MGAT4C: variants seen among roughly 807,000 people sequenced by gnomAD.
MGAT4C encodes the protein alpha-1,3-mannosyl-glycoprotein 4-beta-N-acetylglucosaminyltransferase C.
Under a neutral mutation model 40.1 loss-of-function variants are expected in MGAT4C, and 19 were observed. That is an observed-to-expected ratio of 0.47 (90% CI 0.33 to 0.70). The LOEUF (loss-of-function observed/expected upper bound fraction) is 0.70. Among genes scored for constraint, MGAT4C ranks in the 30% least tolerant of loss-of-function variants. The pLI, the probability that MGAT4C is intolerant of heterozygous loss-of-function variation, is 0.02. For missense variants in MGAT4C, 491 were observed against 563.2 expected (o/e 0.87, Z 1.30); for synonymous variants, 181 against 187.1 (o/e 0.97, Z 0.27).
chr12:86,113,872 C>G (rs563482169), intron 1 of MGAT4C, among the ~76,000 whole-genome samples: 1 of 151,926 alleles, frequency 6.6e-6, no homozygotes, highest in Admixed American at 6.6e-5. Flanking sequence ...TCCAGGAAAG[C>G]AAGAGAGACT....
chr12:86,130,411 T>A (rs1318473659), intron 1 of MGAT4C, among the ~76,000 whole-genome samples: 1 of 152,122 alleles, frequency 6.6e-6, no homozygotes, highest in East Asian at 1.9e-4. Flanking sequence ...ACATACGTTT[T>A]GGAATTCTGA....
At position 86,215,217 on chromosome 12, in the gene MGAT4C, T is replaced by C. The variant is rs912631581; in HGVS notation, c.-57+41022A>G. On this transcript the variant is annotated intron_variant, in intron 1 of 4. Coordinates refer to ENST00000611864, the MANE Select transcript of MGAT4C (RefSeq NM_001351288.2). ...AGCCACCTCATCATCTCTTTTTCCA[T>C]AGGTTGTACATTTTGTATATGTAAG... Among the ~76,000 whole-genome samples the C allele has an allele frequency of 2.6e-5, 4 of 152,160 alleles. No homozygotes were observed. In the East Asian group the frequency reaches 5.8e-4, roughly 22 times the overall value.
chr12:86,732,064 A>G (rs1950919376), intron 1 of MGAT4C, among the ~76,000 whole-genome samples: 1 of 152,170 alleles, frequency 6.6e-6, no homozygotes, highest in African/African-American at 2.4e-5. Flanking sequence ...CCACCACTGG[A>G]CATTTTCTCT....
Position 85,977,947 on chromosome 12 carries a change from A to G in MGAT4C, c.*1342T>C, listed in dbSNP as rs1386900839. 2 of 151,540 alleles carry G rather than the reference A, an allele frequency of 1.3e-5. No homozygotes were observed. The highest frequency in any genetic ancestry group is 3.0e-5 in the Non-Finnish European group (2 of 67,636). The allele number at this position is 151,540 out of a possible 1,614,324, so 9.4% of individuals were successfully genotyped here. ...GCTGTTCATTAAAAAACAAAAAGGA[A>G]GAGACAAGCTCAGGACATTCTGAAA... On this transcript the variant is annotated 3_prime_UTR_variant, in exon 5 of 5. Transcript: ENST00000611864.
rs1284338408 is a variant in MGAT4C, at chr12:86,434,409, T to C, written c.-120+748A>G. Reference sequence around the variant, plus strand: ...TTTGCTCATGTCAAATATTTATATATACTTACACATATGTACTTATATACA... The same window carrying C: ...TTTGCTCATGTCAAATATTTATATACACTTACACATATGTACTTATATACA... On this transcript the variant is annotated intron_variant, in intron 3 of 7. Transcript: ENST00000548651. Among the ~76,000 whole-genome samples the C allele has an allele frequency of 5.7e-4, 87 of 152,040 alleles. 1 individual carries two copies. The highest frequency in any genetic ancestry group is 1.0e-4 in the Non-Finnish European group (7 of 67,872).
At chr12:86,142,679 T>C (rs1593057570) in intron 1 of MGAT4C, among the ~76,000 whole-genome samples, 1 of 151,938 alleles carries the variant, frequency 6.6e-6, no homozygotes, top group South Asian at 2.1e-4. Context: ...ACTACATAGG[T>C]AGGGATGGAG....
intron 1 of MGAT4C, among the ~76,000 whole-genome samples, chr12:86,093,731 A>AAACAACAACAACAAC (rs35399411): frequency 1.0e-3 from 155 of 149,538 alleles, no homozygotes; most frequent in Non-Finnish European, 7.6e-4. Context: ...CTCCGTCTAA[A>AAACAACAACAACAAC]AACAACAACA....
chr12:86,142,266 G>T (rs1449312712), intron 1 of MGAT4C, among the ~76,000 whole-genome samples: 2 of 152,156 alleles, frequency 1.3e-5, no homozygotes, highest in South Asian at 2.1e-4. Context: ...CACACAGAGA[G>T]ATGAAAATCA....
At chr12:86,231,623 T>C (rs1056890783) in intron 1 of MGAT4C, among the ~76,000 whole-genome samples, 5 of 152,310 alleles carry the variant, frequency 3.3e-5, no homozygotes, top group South Asian at 2.1e-4. Flanking sequence ...TCTGAACATA[T>C]AAGTGATATA....
intron 2 of MGAT4C, among the ~76,000 whole-genome samples, chr12:86,579,276 T>C (rs1353704617): frequency 6.6e-6 from 1 of 151,626 alleles, no homozygotes; most frequent in Admixed American, 6.6e-5. Context: ...TTTTCTCTGG[T>C]GATATAATTC....
chr12:86,021,373 T>C (rs571333752), intron 2 of MGAT4C, among the ~76,000 whole-genome samples: 330 of 151,706 alleles, frequency 2.2e-3, no homozygotes, highest in Non-Finnish European at 3.7e-3. Context: ...ATTAAGAAAA[T>C]GTGGCACATA....
chr12:86,477,722 T>C (rs1452511036), intron 2 of MGAT4C, among the ~76,000 whole-genome samples: 1 of 152,052 alleles, frequency 6.6e-6, no homozygotes, highest in Non-Finnish European at 1.5e-5. Context: ...ATTAGGTATA[T>C]CTCCTAATGC....
chr12:86,768,109 T>G (rs897714237), intron 1 of MGAT4C, among the ~76,000 whole-genome samples: 1 of 152,134 alleles, frequency 6.6e-6, no homozygotes, highest in East Asian at 1.9e-4. Context: ...ATTGTATATC[T>G]AGAAAACCCC....
At chr12:86,715,473 T>C (rs775600159) in intron 2 of MGAT4C, among the ~76,000 whole-genome samples, 1 of 152,144 alleles carries the variant, frequency 6.6e-6, no homozygotes, top group Non-Finnish European at 1.5e-5. Flanking sequence ...ACTACCAAGC[T>C]GTATGTTTTT....
intron 2 of MGAT4C, among the ~76,000 whole-genome samples, chr12:86,524,705 A>G (rs995323447): frequency 4.6e-5 from 7 of 152,162 alleles, no homozygotes; most frequent in African/African-American, 1.2e-4. Context: ...AGGGACACCA[A>G]TGAGTCTTAC....
At chr12:86,419,210 A>G (rs7301129) in intron 3 of MGAT4C, among the ~76,000 whole-genome samples, 9,792 of 152,108 alleles carry the variant, frequency 0.064, 757 homozygotes, top group East Asian at 0.24. Context: ...ATTTAATAAA[A>G]TTTTAGGATT....
At chr12:86,015,521 AC>A (rs998223386) in intron 2 of MGAT4C, among the ~76,000 whole-genome samples, 2 of 152,136 alleles carry the variant, frequency 1.3e-5, no homozygotes, top group Non-Finnish European at 2.9e-5. Context: ...ATTAAGTATA[AC>A]CTTTGCCCAA....
At chr12:86,383,677 C>T (rs1955996904) in intron 3 of MGAT4C, among the ~76,000 whole-genome samples, 1 of 151,916 alleles carries the variant, frequency 6.6e-6, no homozygotes, top group South Asian at 2.1e-4. Context: ...TGTATTTACC[C>T]AATGCCTGTA....
At chr12:85,991,464 C>A (rs951368397) in intron 2 of MGAT4C, among the ~76,000 whole-genome samples, 2 of 152,234 alleles carry the variant, frequency 1.3e-5, no homozygotes, top group South Asian at 2.1e-4. Flanking sequence ...TGGGGACCCA[C>A]CCCCTTCCCC....
Sources: gnomAD v4.1 joint callset for allele counts (sites outside exome capture counted in the v4.1 genomes callset) on GRCh38, gnomAD v4.1.1 for gene constraint, MANE v1.5 for transcripts, NCBI Gene and HGNC (gene_info 2026-07-23, HGNC 2026-07-21) for gene names.